ATF7: variants seen among roughly 807,000 people sequenced by gnomAD.
The protein encoded by ATF7 is activating transcription factor 7.
ATF7 carries 10 observed loss-of-function variants against 50.4 expected under a neutral mutation model. The ratio of observed to expected loss-of-function variants is 0.20; its 90% CI spans 0.12 to 0.34. The LOEUF (loss-of-function observed/expected upper bound fraction) is 0.34. ATF7 is among the 10% of genes least tolerant of loss of function. The pLI, the probability that ATF7 is intolerant of heterozygous loss-of-function variation, is 1.00. For synonymous variants in ATF7, 201 were observed against 226.4 expected, an observed-to-expected ratio of 0.89 and a Z score of 1.01; for missense variants, 465 against 613.9, an observed-to-expected ratio of 0.76 and a Z score of 2.56.
At chr12:53,529,704 T>TACACACACACACACACACAC (rs1310811632) in intron 9 of ATF7, among the ~76,000 whole-genome samples, 10 of 73,366 alleles carry the variant, frequency 1.4e-4, no homozygotes, top group African/African-American at 4.7e-4. Context: ...CATATATATA[T>TACACACACACACACACACAC]ACACATACAC....
chr12:53,537,826 C>T (rs1036370391), intron 4 of ATF7, among the ~76,000 whole-genome samples: 5 of 152,158 alleles, frequency 3.3e-5, no homozygotes, highest in African/African-American at 1.2e-4. Flanking sequence ...GATTCTCCCG[C>T]CTCAGCCTCC....
downstream of ATF7, among the ~76,000 whole-genome samples, chr12:53,509,366 C>T (rs376013867): frequency 1.1e-4 from 17 of 152,170 alleles, no homozygotes; most frequent in Middle Eastern, 3.4e-3. Context: ...ATCCTTGTGC[C>T]GAGGGGGCTT....
downstream of ATF7, among the ~76,000 whole-genome samples, chr12:53,510,336 G>A (rs1944106499): frequency 6.6e-6 from 1 of 152,234 alleles, no homozygotes; most frequent in Non-Finnish European, 1.5e-5. Context: ...ATTGCACCCG[G>A]CCAGTTTACC....
At chr12:53,553,169 C>G (rs1354093450) in intron 2 of ATF7, among the ~76,000 whole-genome samples, 1 of 152,178 alleles carries the variant, frequency 6.6e-6, no homozygotes, top group Admixed American at 6.5e-5. Context: ...CAGGCGCCTG[C>G]ATGGCTATTT....
intron 1 of ATF7, among the ~76,000 whole-genome samples, chr12:53,621,869 AAATAG>A (rs959366397): frequency 1.4e-4 from 22 of 152,222 alleles, no homozygotes; most frequent in African/African-American, 5.3e-4. Flanking sequence ...GAGTGCAATA[AAATAG>A]AAGTTGTGAT....
intron 2 of ATF7, among the ~76,000 whole-genome samples, chr12:53,557,754 G>C (rs1940843684): frequency 6.6e-6 from 1 of 152,202 alleles, no homozygotes; most frequent in South Asian, 2.1e-4. Flanking sequence ...ATCTGATATG[G>C]TAGCGACTAG....
intron 2 of ATF7, among the ~76,000 whole-genome samples, chr12:53,579,862 G>T (rs1020989933): frequency 1.3e-5 from 2 of 152,290 alleles, no homozygotes; most frequent in Non-Finnish European, 2.9e-5. Flanking sequence ...GCCCAACGGG[G>T]TTTTTTCTGT....
chr12:53,573,036 C>T (rs1329995019), intron 2 of ATF7, among the ~76,000 whole-genome samples: 1 of 148,908 alleles, frequency 6.7e-6, no homozygotes, highest in Non-Finnish European at 1.5e-5. Context: ...CTGCCCGCCT[C>T]GGCCTCCCAA....
chr12:53,573,680 G>A (rs980772572), intron 2 of ATF7, among the ~76,000 whole-genome samples: 1 of 152,080 alleles, frequency 6.6e-6, no homozygotes, highest in Non-Finnish European at 1.5e-5. Context: ...AATAAGGGGG[G>A]ACTACTGGAA....
In ATF7 at chr12:53,517,019, C is replaced by T. The variant is rs1937746565; in HGVS notation, c.*118G>A. 3 of 1,149,536 alleles carry T rather than the reference C, an allele frequency of 2.6e-6. No individual in the cohort carries two copies. Among genetic ancestry groups the T allele is most frequent in the Non-Finnish European group, 1.3e-6 (1 of 797,134 alleles). 71.2% of individuals were successfully genotyped at this position (1,149,536 alleles called of 1,614,324 possible). ...CCATATCTGTCCATTACTCACAACA[C>T]ACAATTCCCCCCACCCATATTGCCA... On this transcript the variant is annotated 3_prime_UTR_variant, in exon 12 of 12. Transcript: ENST00000420353.
chr12:53,570,099 C>T (rs1941666808), intron 2 of ATF7, among the ~76,000 whole-genome samples: 1 of 152,130 alleles, frequency 6.6e-6, no homozygotes, highest in African/African-American at 2.4e-5. Context: ...GTTAGAGATA[C>T]CAGGCAGATA....
intron 9 of ATF7, among the ~76,000 whole-genome samples, chr12:53,529,985 G>A (rs552090180): frequency 6.0e-4 from 90 of 150,582 alleles, no homozygotes; most frequent in African/African-American, 1.6e-3. Flanking sequence ...CTTGTGATCC[G>A]CCCACCTCGG....
intron 1 of ATF7, among the ~76,000 whole-genome samples, chr12:53,619,087 G>T (rs1944269791): frequency 6.6e-6 from 1 of 151,868 alleles, no homozygotes; most frequent in Non-Finnish European, 1.5e-5. Context: ...GAAAAGTTAG[G>T]TCTAAATTGG....
chr12:53,589,719 T>C (rs1942864508), intron 2 of ATF7, among the ~76,000 whole-genome samples: 1 of 152,130 alleles, frequency 6.6e-6, no homozygotes, highest in Non-Finnish European at 1.5e-5. Flanking sequence ...AAGATCCTAC[T>C]CCGTACCAAC....
intron 2 of ATF7, among the ~76,000 whole-genome samples, chr12:53,569,045 C>A (rs569349514): frequency 1.3e-5 from 2 of 152,222 alleles, no homozygotes; most frequent in South Asian, 4.1e-4. Context: ...GTAGTCCCAG[C>A]TACTTGGGAG....
chr12:53,612,948 G>T (rs1260927165), intron 1 of ATF7, among the ~76,000 whole-genome samples: 1 of 152,010 alleles, frequency 6.6e-6, no homozygotes, highest in African/African-American at 2.4e-5. Flanking sequence ...AGGTTGCAGT[G>T]AGCCAACCTC....
Position 53,517,312 on chromosome 12 carries a change from G to A in ATF7, c.1277C>T (p.Pro426Leu). The A allele has an allele frequency of 6.2e-7, 1 of 1,613,962 alleles. No homozygotes were observed. Among genetic ancestry groups the A allele is most frequent in the South Asian group, 1.1e-5 (1 of 91,082 alleles). Residue 426 changes from proline (P) to leucine (L), a missense_variant, in exon 12 of 12, where the codon CCT becomes CTT. By Grantham distance (98) the Pro-to-Leu change is moderately conservative. Transcript: ENST00000420353. ...TGTTGCTGAGCTGTGCTGAATCACA[G>A]GGGCTGGAGAACCCGTTGGCTCTGA... ...ESSEPTGSPA[P>L]VIQHSSATAP...
chr12:53,547,038 G>A (rs1321571398), intron 3 of ATF7, among the ~76,000 whole-genome samples: 5 of 143,198 alleles, frequency 3.5e-5, no homozygotes, highest in African/African-American at 5.2e-5. Flanking sequence ...AGGCTGGAGT[G>A]CAGTGGCATG....
chr12:53,617,662 G>A (rs1944199484), intron 1 of ATF7, among the ~76,000 whole-genome samples: 1 of 151,976 alleles, frequency 6.6e-6, no homozygotes, highest in South Asian at 2.1e-4. Context: ...ATAAAAAAAA[G>A]ACTACTATAC....
Sources: allele counts gnomAD v4.1 joint callset (sites outside exome capture counted in the v4.1 genomes callset), GRCh38; gene constraint gnomAD v4.1.1; transcripts MANE v1.5; gene names NCBI Gene and HGNC (gene_info 2026-07-23, HGNC 2026-07-21).